PRPF39: variants seen among roughly 807,000 people sequenced by gnomAD.
The protein encoded by PRPF39 is pre-mRNA-processing factor 39.
In PRPF39, 27 loss-of-function variants were observed where a neutral mutation model predicts 82.1. That is an observed-to-expected ratio of 0.33 (90% CI 0.24 to 0.45). The LOEUF (loss-of-function observed/expected upper bound fraction) is 0.45. PRPF39 is among the 20% of genes least tolerant of loss of function. The pLI, the probability that PRPF39 is intolerant of heterozygous loss-of-function variation, is 1.00. For missense variants in PRPF39, 581 were observed against 796.9 expected, an observed-to-expected ratio of 0.73 and a Z score of 3.26; for synonymous variants, 261 against 256.4, an observed-to-expected ratio of 1.02 and a Z score of -0.17.
intron 10 of PRPF39, among the ~76,000 whole-genome samples, chr14:45,111,828 G>A (rs1454281571): frequency 6.6e-6 from 1 of 150,538 alleles, no homozygotes; most frequent in Non-Finnish European, 1.5e-5. Flanking sequence ...AGTAGAGATG[G>A]GGTTTTACCA....
At chr14:45,103,470 G>A (rs983865440) in intron 5 of PRPF39, among the ~76,000 whole-genome samples, 1 of 151,862 alleles carries the variant, frequency 6.6e-6, no homozygotes, top group Non-Finnish European at 1.5e-5. Flanking sequence ...TAATTTTTAT[G>A]AGTAGTATTG....
At chr14:45,114,714 A>G in intron 13 of PRPF39, 100 bp downstream of exon 13, 1 of 1,445,086 alleles carries the variant, frequency 6.9e-7, no homozygotes, top group Admixed American at 2.1e-5. Context: ...CAATTGTGTA[A>G]TACATTCTTT....
intron 10 of PRPF39, among the ~76,000 whole-genome samples, chr14:45,111,812 A>G (rs1884708074): frequency 6.7e-6 from 1 of 150,010 alleles, no homozygotes. Context: ...TAATTTTTGT[A>G]TTTTTAGTAG....
chr14:45,098,357 C>T (rs907491270), intron 4 of PRPF39, among the ~76,000 whole-genome samples: 4 of 151,342 alleles, frequency 2.6e-5, no homozygotes, highest in Admixed American at 1.3e-4. Context: ...GCAAGAGAAT[C>T]GCTTGAACCT....
chr14:45,089,355 C>T (rs191822761), intron 1 of PRPF39, among the ~76,000 whole-genome samples: 193 of 152,310 alleles, frequency 1.3e-3, no homozygotes, highest in Non-Finnish European at 2.4e-3. Context: ...GAGACGATCC[C>T]TTCCTCAATG....
intron 3 of PRPF39, chr14:45,096,568 T>G (rs748022302): frequency 3.5e-6 from 5 of 1,436,106 alleles, no homozygotes; most frequent in Non-Finnish European, 3.7e-6. Flanking sequence ...TAGTCACATT[T>G]GCTACGTCTT....
chr14:45,102,846 C>G, intron 5 of PRPF39, 150 bp downstream of exon 5: 1 of 749,762 alleles, frequency 1.3e-6, no homozygotes, highest in Non-Finnish European at 2.0e-6. Flanking sequence ...TACATGCTTG[C>G]TTTTGACATT....
At chr14:45,101,538 T>G (rs1000349328) in intron 4 of PRPF39, among the ~76,000 whole-genome samples, 3 of 151,670 alleles carry the variant, frequency 2.0e-5, no homozygotes, top group Non-Finnish European at 4.4e-5. Context: ...CAATTTCAGC[T>G]CACTGCCACT....
chr14:45,115,912 G>A lies in PRPF39; in HGVS notation c.*999G>A, dbSNP rs1439140842. On this transcript the variant is annotated 3_prime_UTR_variant, in exon 14 of 14. Coordinates refer to ENST00000355765, the MANE Select transcript of PRPF39 (RefSeq NM_017922.4). ...CAAATCACAGTCAGATCAAGACAGT[G>A]GATCAATTTTTATTGAGCCACTTAA... The A allele has an allele frequency of 2.0e-5, 7 of 348,586 alleles. No homozygotes were observed. The highest frequency in any genetic ancestry group is 3.8e-5 in the Non-Finnish European group (7 of 183,356). The allele number at this position is 348,586 out of a possible 1,614,324, so 21.6% of individuals were successfully genotyped here. A position where few individuals can be genotyped will look rare whatever the true frequency, so the allele number is the denominator to read the frequency against.
Position 45,116,087 on chromosome 14 carries a change from C to A in PRPF39, c.*1174C>A. 1.4e-6 allele frequency: 1 copy of A among 736,570 alleles called. No homozygotes were observed. The highest frequency in any genetic ancestry group is 2.2e-5 in the Admixed American group (1 of 44,850). 45.6% of individuals were successfully genotyped at this position (736,570 alleles called of 1,614,324 possible). On this transcript the variant is annotated 3_prime_UTR_variant, in exon 14 of 14. Coordinates refer to ENST00000355765, the MANE Select transcript of PRPF39 (RefSeq NM_017922.4). ...AATTTTATTAACTCCTTGAATTTTC[C>A]AGTTGACTCTTCCTTTACAATAGTA...
intron 4 of PRPF39, among the ~76,000 whole-genome samples, chr14:45,102,327 T>C (rs2139053296): frequency 6.6e-6 from 1 of 152,336 alleles, no homozygotes; most frequent in African/African-American, 2.4e-5. Context: ...AAAAGTACAT[T>C]TATCTATTCT....
chr14:45,087,304 TG>T (rs1417026058), intron 1 of PRPF39, among the ~76,000 whole-genome samples: 2 of 152,120 alleles, frequency 1.3e-5, no homozygotes, highest in Non-Finnish European at 2.9e-5. Context: ...TTCCCTATGT[TG>T]CCCAGACTGG....
intron 3 of PRPF39, 168 bp downstream of exon 3, chr14:45,096,396 A>G (rs1355845383): frequency 4.0e-6 from 6 of 1,500,484 alleles, no homozygotes; most frequent in Non-Finnish European, 5.3e-6. Flanking sequence ...TGGCATTTGT[A>G]GCTAATATTT....
chr14:45,089,061 C>T (rs1270917622), intron 1 of PRPF39, among the ~76,000 whole-genome samples: 3 of 152,152 alleles, frequency 2.0e-5, no homozygotes, highest in African/African-American at 4.8e-5. Flanking sequence ...CTTTTCACTC[C>T]ACTGATTGTG....
intron 8 of PRPF39, 22 bp downstream of exon 8, chr14:45,109,802 A>T (rs1214777263): frequency 1.5e-5 from 23 of 1,569,840 alleles, no homozygotes; most frequent in Non-Finnish European, 2.0e-5. Context: ...ATGTGCTCTT[A>T]AACTTGAATA....
In PRPF39 at chr14:45,110,426, G is replaced by A; in HGVS notation, c.1304-123G>A. 1.6e-6 allele frequency: 2 copies of A among 1,216,382 alleles called. No individual in the cohort carries two copies. The highest frequency in any genetic ancestry group is 2.3e-6 in the Non-Finnish European group (2 of 880,474). 75.3% of individuals were successfully genotyped at this position (1,216,382 alleles called of 1,614,324 possible). ...ACAGCCATAGGCAGTGTGTAAATAT[G>A]CATGGCTGTTTCCCATTATTAGTTG... is the stretch of plus-strand genomic sequence containing the variant. On this transcript the variant is annotated intron_variant, in intron 9 of 13. Coordinates refer to ENST00000355765, the MANE Select transcript of PRPF39 (RefSeq NM_017922.4). This position sits in a 1 kb window ranked among gnomAD's most constrained non-coding sequence, Gnocchi z 4.0.
chr14:45,088,737 A>C (rs182340438), intron 1 of PRPF39, among the ~76,000 whole-genome samples: 1 of 152,374 alleles, frequency 6.6e-6, no homozygotes, highest in Non-Finnish European at 1.5e-5. Context: ...ATAGCAGTGC[A>C]GATGACATGC....
intron 5 of PRPF39, among the ~76,000 whole-genome samples, chr14:45,106,977 T>C (rs754657202): frequency 1.3e-5 from 2 of 152,176 alleles, no homozygotes; most frequent in Non-Finnish European, 2.9e-5. Flanking sequence ...GGGAAGGAAA[T>C]GCTATATTTG....
intron 4 of PRPF39, among the ~76,000 whole-genome samples, chr14:45,097,693 A>G (rs1175497649): frequency 2.6e-5 from 4 of 152,108 alleles, no homozygotes; most frequent in Non-Finnish European, 5.9e-5. Context: ...CTGGTTTACC[A>G]TGTTCTCATA....
Sources: allele counts gnomAD v4.1 joint callset (sites outside exome capture counted in the v4.1 genomes callset), GRCh38; gene constraint gnomAD v4.1.1; non-coding constraint Gnocchi (gnomAD v3.1); transcripts MANE v1.5; gene names NCBI Gene and HGNC (gene_info 2026-07-23, HGNC 2026-07-21).